The following STMN3 variants were observed in gnomAD, a reference collection of about 807,000 sequenced individuals.
STMN3 encodes the protein stathmin 3, also known as stathmin-3.
STMN3 carries 24 observed loss-of-function variants against 23.2 expected under a neutral mutation model. The ratio of observed to expected loss-of-function variants is 1.03; its 90% confidence interval spans 0.75 to 1.45. The LOEUF (loss-of-function observed/expected upper bound fraction) is 1.45, where lower values mean the gene tolerates loss of function less well. STMN3 is among the 40% of genes most tolerant of loss of function. The pLI, the probability that STMN3 is intolerant of heterozygous loss-of-function variation, is 0.00. For missense variants in STMN3, 235 were observed against 237.6 expected (o/e 0.99, Z 0.07); for synonymous variants, 117 against 103.4 (o/e 1.13, Z -0.80).
intron 1 of STMN3, among the ~76,000 whole-genome samples, chr20:63,647,387 C>T (rs937316932): frequency 1.3e-5 from 2 of 149,054 alleles, no homozygotes; most frequent in Non-Finnish European, 3.0e-5. Flanking sequence ...GGGGCCAAGG[C>T]GGGCAGATCA....
rs2089758540 is a variant in STMN3, at chr20:63,641,214, G to A, written c.*124C>T. 2.4e-6 allele frequency: 2 copies of A among 836,996 alleles called. No homozygotes were observed. The highest frequency in any genetic ancestry group is 1.7e-5 in the African/African-American group (1 of 59,540). The allele number at this position is 836,996 out of a possible 1,614,324, so 51.8% of individuals were successfully genotyped here. A position where few individuals can be genotyped will look rare whatever the true frequency, so the allele number is the denominator to read the frequency against. ...CAGGGCGGCTGAGTGCGGAAGAGAA[G>A]CATGAAGCTGGGGGCGGGGGTGGGG... is the stretch of plus-strand genomic sequence containing the variant. On this transcript the variant is annotated 3_prime_UTR_variant, in exon 5 of 5. Transcript: ENST00000370053.
chr20:63,653,301 A>G (rs970895423), intron 1 of STMN3, 26 bp downstream of exon 1: 3 of 1,544,096 alleles, frequency 1.9e-6, no homozygotes, highest in African/African-American at 1.4e-5. Flanking sequence ...CCGCCGCCCC[A>G]CAAAGCCCGT....
chr20:63,652,536 C>T lies in STMN3; in HGVS notation c.19+791G>A, dbSNP rs2089868736. Reference sequence around the variant, plus strand: ...TGCGCCCGCCCCTCCGCCTGAGCTCCGCGCGGGACGGGCCGGGAGGCCGGG... The same window carrying T: ...TGCGCCCGCCCCTCCGCCTGAGCTCTGCGCGGGACGGGCCGGGAGGCCGGG... On this transcript the variant is annotated intron_variant, in intron 1 of 4. Coordinates refer to ENST00000370053, the MANE Select transcript of STMN3 (RefSeq NM_015894.4). This position sits in a 1 kb window ranked among gnomAD's most constrained non-coding sequence, Gnocchi z 5.3. 2 of 980,504 alleles carry T rather than the reference C, an allele frequency of 2.0e-6. No individual in the cohort carries two copies. Among genetic ancestry groups the T allele is most frequent in the Non-Finnish European group, 2.4e-6 (2 of 825,548 alleles). The allele number at this position is 980,504 out of a possible 1,614,324, so 60.7% of individuals were successfully genotyped here.
intron 1 of STMN3, among the ~76,000 whole-genome samples, chr20:63,648,185 T>C (rs961706582): frequency 6.6e-6 from 1 of 151,572 alleles, no homozygotes; most frequent in African/African-American, 2.4e-5. Flanking sequence ...GTGCCAGCCA[T>C]GTGTTCCACA....
chr20:63,642,404 G>C (rs927645418), intron 3 of STMN3, 105 bp from the exon 4 acceptor site: 1 of 772,154 alleles, frequency 1.3e-6, no homozygotes, highest in Non-Finnish European at 1.8e-6. Flanking sequence ...GCCTCACCTG[G>C]CGCCTCCACC....
chr20:63,650,286 C>G (rs1042568638), intron 1 of STMN3, among the ~76,000 whole-genome samples: 2 of 152,118 alleles, frequency 1.3e-5, no homozygotes, highest in Non-Finnish European at 2.9e-5. Flanking sequence ...TGTTTTGTCT[C>G]CCTGCTTCTC....
In STMN3 at chr20:63,649,887, C is replaced by T. The variant is rs2089844160; in HGVS notation, c.19+3440G>A. ...TGTCACCCAGGCTGGAGTGCAGTGG[C>T]GCGATGTCGGCTCACTGCAACCTCT... On this transcript the variant is annotated intron_variant, in intron 1 of 4. Coordinates refer to ENST00000370053, the MANE Select transcript of STMN3 (RefSeq NM_015894.4). Among the ~76,000 whole-genome samples, 6 of 147,962 alleles carry T rather than the reference C, an allele frequency of 4.1e-5. No individual in the cohort carries two copies. In the Middle Eastern group the frequency reaches 0.011, roughly 268 times the overall value.
rs1464804159 is a variant in STMN3, at chr20:63,641,030, C to T, written c.*308G>A. 2.1e-6 allele frequency: 1 copy of T among 475,912 alleles called. No homozygotes were observed. Among genetic ancestry groups the T allele is most frequent in the Non-Finnish European group, 3.9e-6 (1 of 257,248 alleles). The allele number at this position is 475,912 out of a possible 1,614,324, so 29.5% of individuals were successfully genotyped here. On this transcript the variant is annotated 3_prime_UTR_variant, in exon 5 of 5. Coordinates refer to ENST00000370053, the MANE Select transcript of STMN3 (RefSeq NM_015894.4). The stretch of plus-strand genomic sequence containing the variant: ...CAGCGTAAGGACCCGTGATCCCACG[C>T]CACCGCCCTGGGTTTACCACGGTCA...
chr20:63,644,154 G>T, intron 2 of STMN3, 60 bp downstream of exon 2: 1 of 1,510,776 alleles, frequency 6.6e-7, no homozygotes. Flanking sequence ...CCGGAGGCCG[G>T]GGGAAAAGGT....
chr20:63,643,109 T>C (rs577068716), intron 3 of STMN3, among the ~76,000 whole-genome samples: 14 of 152,130 alleles, frequency 9.2e-5, no homozygotes, highest in African/African-American at 3.1e-4. Context: ...TCCTCCAGCT[T>C]CCCTGTCTGG....
chr20:63,641,575 C>T (rs1037292936), intron 4 of STMN3, among the ~76,000 whole-genome samples, 178 bp from the exon 5 acceptor site: 2 of 152,186 alleles, frequency 1.3e-5, no homozygotes, highest in Non-Finnish European at 2.9e-5. Flanking sequence ...AGAGCAAGGC[C>T]AGGGACCAAG....
chr20:63,647,981 C>G (rs371546181), intron 1 of STMN3, among the ~76,000 whole-genome samples: 1 of 68,732 alleles, frequency 1.5e-5, no homozygotes, highest in African/African-American at 6.1e-5. Flanking sequence ...TATATATATA[C>G]ATATATATAT....
At chr20:63,647,133 C>A (rs1013345696) in intron 1 of STMN3, among the ~76,000 whole-genome samples, 6 of 151,420 alleles carry the variant, frequency 4.0e-5, no homozygotes, top group African/African-American at 1.5e-4. Context: ...CATGGCGAAA[C>A]CCTGTCTCTA....
At chr20:63,647,936 A>ATGTG (rs1555897526) in intron 1 of STMN3, among the ~76,000 whole-genome samples, 5 of 80,836 alleles carry the variant, frequency 6.2e-5, no homozygotes, top group African/African-American at 9.7e-5. Flanking sequence ...ATACGTATAT[A>ATGTG]TGTGTGTGTG....
At chr20:63,647,758 A>G (rs1186603630) in intron 1 of STMN3, among the ~76,000 whole-genome samples, 1 of 125,996 alleles carries the variant, frequency 7.9e-6, no homozygotes, top group Non-Finnish European at 1.7e-5. Context: ...TATATATAAT[A>G]TATATACATA....
chr20:63,646,447 T>G (rs926534878), intron 1 of STMN3, among the ~76,000 whole-genome samples: 1 of 151,966 alleles, frequency 6.6e-6, no homozygotes, highest in Non-Finnish European at 1.5e-5. Flanking sequence ...CTCCGCCTCC[T>G]GGGTTCACAC....
At chr20:63,642,430 G>A in intron 3 of STMN3, 131 bp from the exon 4 acceptor site, 1 of 389,566 alleles carries the variant, frequency 2.6e-6, no homozygotes, top group Non-Finnish European at 4.3e-6. Context: ...AGGCCTCGGT[G>A]GGCGCCGGGA....
intron 1 of STMN3, among the ~76,000 whole-genome samples, chr20:63,649,444 C>T (rs1382903428): frequency 6.6e-6 from 1 of 152,236 alleles, no homozygotes; most frequent in Non-Finnish European, 1.5e-5. Context: ...TGCCGAGGCC[C>T]AGACCCATCC....
rs1569066901 is a variant in STMN3 at position 63,641,319 on chromosome 20, C to G, written c.*19G>C. 1 of 1,558,768 alleles carries G rather than the reference C, an allele frequency of 6.4e-7. No homozygotes were observed. Among genetic ancestry groups the G allele is most frequent in the Admixed American group, 1.9e-5 (1 of 52,698 alleles). Reference sequence around the variant, plus strand: ...CGAACGTGTTCTGTCGCAGGATGGGCGCCGCCCGTCCCGGGCCCTTAGCCC... The same window carrying G: ...CGAACGTGTTCTGTCGCAGGATGGGGGCCGCCCGTCCCGGGCCCTTAGCCC... On this transcript the variant is annotated 3_prime_UTR_variant, in exon 5 of 5. Transcript: ENST00000370053.
Sources: allele counts gnomAD v4.1 joint callset (sites outside exome capture counted in the v4.1 genomes callset), GRCh38; gene constraint gnomAD v4.1.1; non-coding constraint Gnocchi (gnomAD v3.1); transcripts MANE v1.5; gene names NCBI Gene and HGNC (gene_info 2026-07-23, HGNC 2026-07-21).